The following GARIN5B variants were observed in gnomAD, a reference collection of about 807,000 sequenced individuals.
The protein encoded by GARIN5B is Golgi-associated RAB2 interactor protein 5B.
At chr19:55,358,619 C>T in the GARIN5B span, 2 of 1,551,408 alleles carry the variant, frequency 1.3e-6, no homozygotes, top group Non-Finnish European at 1.7e-6. Flanking sequence ...CACTGGCTTC[C>T]CCTCCAGTAA....
chr19:55,361,013 G>A, the GARIN5B span: 2 of 1,550,910 alleles, frequency 1.3e-6, no homozygotes, highest in South Asian at 1.2e-5. Context: ...TTTTCTGCAG[G>A]TTTCTTCCTG....
chr19:55,362,319 T>C, the GARIN5B span: 1 of 1,549,296 alleles, frequency 6.5e-7, no homozygotes, highest in Non-Finnish European at 8.7e-7. Flanking sequence ...GTCCTGGGGG[T>C]CCAGGTGGGA....
the GARIN5B span, chr19:55,355,422 T>C: frequency 1.4e-6 from 2 of 1,448,304 alleles, no homozygotes; most frequent in East Asian, 5.0e-5. Flanking sequence ...CTTTAAGAGC[T>C]GCAGATGCCT....
At chr19:55,355,270 T>C in the GARIN5B span, 5 of 1,524,466 alleles carry the variant, frequency 3.3e-6, no homozygotes, top group Non-Finnish European at 4.4e-6. Flanking sequence ...CTGGCAGCGC[T>C]GGGCTCCTCT....
At chr19:55,356,783 C>T in the GARIN5B span, among the ~76,000 whole-genome samples, 1 of 152,184 alleles carries the variant, frequency 6.6e-6, no homozygotes, top group Non-Finnish European at 1.5e-5. Flanking sequence ...GGCACGGTGG[C>T]TCACGTCTGT....
the GARIN5B span, chr19:55,355,104 T>G: frequency 2.5e-6 from 1 of 396,564 alleles, no homozygotes; most frequent in Non-Finnish European, 4.8e-6. Context: ...GCCTGTGGGG[T>G]TAAGAGGAAA....
the GARIN5B span, among the ~76,000 whole-genome samples, chr19:55,357,919 T>G: frequency 6.6e-6 from 1 of 152,044 alleles, no homozygotes; most frequent in Non-Finnish European, 1.5e-5. Context: ...CTGGGCGTGG[T>G]GGCACACGCC....
At chr19:55,358,826 T>C in the GARIN5B span, 8 of 1,546,716 alleles carry the variant, frequency 5.2e-6, no homozygotes, top group South Asian at 1.2e-5. Context: ...GGAGGGGCCC[T>C]CGACGGCCAG....
At chr19:55,357,041 A>G in the GARIN5B span, among the ~76,000 whole-genome samples, 2 of 152,162 alleles carry the variant, frequency 1.3e-5, no homozygotes, top group East Asian at 3.9e-4. Flanking sequence ...TGGGCGACAG[A>G]GCAAGACTCC....
At chr19:55,362,315 G>A in the GARIN5B span, 24 of 1,550,290 alleles carry the variant, frequency 1.5e-5, no homozygotes, top group Non-Finnish European at 2.1e-5. Context: ...CGTGGTCCTG[G>A]GGGTCCAGGT....
the GARIN5B span, chr19:55,359,124 A>AC: frequency 1.3e-6 from 2 of 1,551,124 alleles, no homozygotes; most frequent in Non-Finnish European, 1.7e-6. Context: ...TTCCCTCCAG[A>AC]CTGGCTTCTC....
the GARIN5B span, chr19:55,361,322 C>G: frequency 1.9e-6 from 3 of 1,540,806 alleles, no homozygotes; most frequent in Non-Finnish European, 2.6e-6. Context: ...AGGGCCCCAC[C>G]AAGGAAGGGG....
chr19:55,359,091 G>A, the GARIN5B span: 16 of 1,551,004 alleles, frequency 1.0e-5, no homozygotes, highest in Middle Eastern at 1.7e-4. Context: ...TCCTGGGTGC[G>A]CACCGTCACC....
At chr19:55,362,312 C>T in the GARIN5B span, 2 of 1,550,234 alleles carry the variant, frequency 1.3e-6, no homozygotes, top group South Asian at 2.4e-5. Flanking sequence ...GCGCGTGGTC[C>T]TGGGGGTCCA....
At chr19:55,358,612 T>C in the GARIN5B span, 63 of 1,551,200 alleles carry the variant, frequency 4.1e-5, no homozygotes, top group Non-Finnish European at 5.3e-5. Context: ...TGACCACCAC[T>C]GGCTTCCCCT....
the GARIN5B span, chr19:55,359,945 T>C: frequency 6.5e-7 from 1 of 1,550,348 alleles, no homozygotes; most frequent in East Asian, 2.4e-5. Context: ...CACATGTCCC[T>C]GGCCTGTGGC....
At chr19:55,357,515 T>G in the GARIN5B span, among the ~76,000 whole-genome samples, 1 of 152,200 alleles carries the variant, frequency 6.6e-6, no homozygotes, top group African/African-American at 2.4e-5. Context: ...CCAGATGTCC[T>G]CATGGCTTCC....
the GARIN5B span, among the ~76,000 whole-genome samples, chr19:55,356,466 C>T: frequency 6.6e-6 from 1 of 151,884 alleles, no homozygotes; most frequent in East Asian, 2.0e-4. Context: ...CGTCGCCATG[C>T]CCGGCTAATT....
At chr19:55,361,774 G>A in the GARIN5B span, among the ~76,000 whole-genome samples, 1 of 47,440 alleles carries the variant, frequency 2.1e-5, no homozygotes. Flanking sequence ...TCAGACCCAG[G>A]AGTCCAGACC....
Sources: gnomAD v4.1 joint callset for allele counts (sites outside exome capture counted in the v4.1 genomes callset) on GRCh38, gnomAD v4.1.1 for gene constraint, MANE v1.5 for transcripts, NCBI Gene and HGNC (gene_info 2026-07-23, HGNC 2026-07-21) for gene names.